CSNK2A2IP: variants seen among roughly 807,000 people sequenced by gnomAD.
CSNK2A2IP encodes casein kinase II subunit alpha'-interacting protein.
chr3:88,357,285 C>A, the CSNK2A2IP span, among the ~76,000 whole-genome samples: 5 of 151,758 alleles, frequency 3.3e-5, no homozygotes, highest in Non-Finnish European at 7.4e-5. Flanking sequence ...TTTTATATGA[C>A]GTGAGATAGG....
the CSNK2A2IP span, among the ~76,000 whole-genome samples, chr3:88,414,657 G>A: frequency 2.0e-5 from 3 of 151,830 alleles, no homozygotes; most frequent in African/African-American, 7.3e-5. Flanking sequence ...CATATTTAGA[G>A]TATACAATTT....
chr3:88,346,269 A>G, the CSNK2A2IP span, among the ~76,000 whole-genome samples: 1 of 152,064 alleles, frequency 6.6e-6, no homozygotes, highest in Admixed American at 6.6e-5. Context: ...AGCAAGTGCC[A>G]ATGGAGAAGC....
chr3:88,397,107 G>A, the CSNK2A2IP span, among the ~76,000 whole-genome samples: 5 of 152,170 alleles, frequency 3.3e-5, no homozygotes, highest in African/African-American at 1.2e-4. Context: ...ATAGGTCTGA[G>A]TAGAAGATAA....
At chr3:88,411,836 T>G in the CSNK2A2IP span, among the ~76,000 whole-genome samples, 6 of 150,836 alleles carry the variant, frequency 4.0e-5, 1 homozygote, top group African/African-American at 1.5e-4. Flanking sequence ...TTATTTTATA[T>G]TATTAAATAT....
At chr3:88,377,120 T>C in the CSNK2A2IP span, among the ~76,000 whole-genome samples, 1 of 151,876 alleles carries the variant, frequency 6.6e-6, no homozygotes, top group African/African-American at 2.4e-5. Context: ...TGGTGATTTA[T>C]AAATCTGTAG....
the CSNK2A2IP span, chr3:88,343,302 G>A: frequency 6.6e-6 from 1 of 152,140 alleles, no homozygotes; most frequent in Non-Finnish European, 1.5e-5. Context: ...TGGTGATAAT[G>A]GTATTCAACA....
chr3:88,359,790 T>A, the CSNK2A2IP span, among the ~76,000 whole-genome samples: 1 of 152,188 alleles, frequency 6.6e-6, no homozygotes. Context: ...TATCTTAAGG[T>A]ATGTCCTTGA....
chr3:88,414,321 T>G, the CSNK2A2IP span, among the ~76,000 whole-genome samples: 1 of 126,500 alleles, frequency 7.9e-6, no homozygotes, highest in Non-Finnish European at 1.6e-5. Context: ...TCTCACTCTG[T>G]TGCCAGGCTG....
chr3:88,418,029 T>G, the CSNK2A2IP span, among the ~76,000 whole-genome samples: 1 of 152,206 alleles, frequency 6.6e-6, no homozygotes, highest in African/African-American at 2.4e-5. Flanking sequence ...GTATATGATT[T>G]GAGTAATGGT....
At chr3:88,452,119 C>A in the CSNK2A2IP span, among the ~76,000 whole-genome samples, 2 of 152,002 alleles carry the variant, frequency 1.3e-5, no homozygotes, top group South Asian at 4.2e-4. Flanking sequence ...CATACCATGT[C>A]AGGTTTCCAC....
At chr3:88,380,686 G>A in the CSNK2A2IP span, among the ~76,000 whole-genome samples, 1 of 151,800 alleles carries the variant, frequency 6.6e-6, no homozygotes, top group Non-Finnish European at 1.5e-5. Context: ...ACAGAGTAAA[G>A]TAGAATACTG....
chr3:88,368,479 G>A, the CSNK2A2IP span, among the ~76,000 whole-genome samples: 3 of 151,958 alleles, frequency 2.0e-5, no homozygotes, highest in East Asian at 1.9e-4. Context: ...ATTAAGATTT[G>A]GAGAAAGAGA....
the CSNK2A2IP span, among the ~76,000 whole-genome samples, chr3:88,417,690 T>A: frequency 6.6e-6 from 1 of 152,350 alleles, no homozygotes; most frequent in East Asian, 1.9e-4. Context: ...TTATATTGAT[T>A]GCAAATTTGC....
chr3:88,345,057 A>C, the CSNK2A2IP span, among the ~76,000 whole-genome samples: 123 of 152,056 alleles, frequency 8.1e-4, 1 homozygote, highest in Middle Eastern at 3.4e-3. Context: ...TTTATTTTAA[A>C]ATCAAGTGCG....
At chr3:88,466,025 C>T in the CSNK2A2IP span, 1 of 1,231,688 alleles carries the variant, frequency 8.1e-7, no homozygotes, top group South Asian at 4.1e-5. Flanking sequence ...CCTCAGAAAA[C>T]ATCCTCATTG....
At chr3:88,466,738 C>T in the CSNK2A2IP span, 1 of 928,124 alleles carries the variant, frequency 1.1e-6, no homozygotes, top group Non-Finnish European at 1.4e-6. Flanking sequence ...GAGGGGAAGG[C>T]CAAATCCTCA....
the CSNK2A2IP span, among the ~76,000 whole-genome samples, chr3:88,449,010 A>G: frequency 6.6e-6 from 1 of 152,052 alleles, no homozygotes; most frequent in Non-Finnish European, 1.5e-5. Flanking sequence ...ATGTCCTAAA[A>G]AAGAGAATAT....
At chr3:88,430,084 T>C in the CSNK2A2IP span, among the ~76,000 whole-genome samples, 1 of 152,106 alleles carries the variant, frequency 6.6e-6, no homozygotes, top group East Asian at 1.9e-4. Flanking sequence ...TTTTAAGACC[T>C]TTTTAAATAA....
the CSNK2A2IP span, among the ~76,000 whole-genome samples, chr3:88,356,015 A>C: frequency 6.6e-6 from 1 of 152,132 alleles, no homozygotes; most frequent in Non-Finnish European, 1.5e-5. Flanking sequence ...TTTTGATGCA[A>C]GTGTACAATG....
Sources: allele counts gnomAD v4.1 joint callset (sites outside exome capture counted in the v4.1 genomes callset), GRCh38; gene constraint gnomAD v4.1.1; transcripts MANE v1.5; gene names NCBI Gene and HGNC (gene_info 2026-07-23, HGNC 2026-07-21).